Variants in MOCS1 observed in about 807,000 individuals in gnomAD.
The protein encoded by MOCS1 is molybdenum cofactor biosynthesis protein 1.
MOCS1 carries 39 observed loss-of-function variants against 57.6 expected under a neutral mutation model. That is an observed-to-expected ratio of 0.68 (90% CI 0.52 to 0.88). The LOEUF is 0.88. Among genes scored for constraint, MOCS1 ranks in the 40% least tolerant of loss-of-function variants. The pLI, the probability that MOCS1 is intolerant of heterozygous loss-of-function variation, is 0.00. For missense variants in MOCS1, 795 were observed against 831.1 expected (o/e 0.96, Z 0.53); for synonymous variants, 334 against 335.7 (o/e 1.00, Z 0.05).
At position 39,913,305 on chromosome 6, in the gene MOCS1, C is replaced by A. The variant is rs1767449829; in HGVS notation, c.757+12G>T. On this transcript the variant is annotated intron_variant, in intron 6 of 10. Coordinates refer to ENST00000340692, the MANE Select transcript of MOCS1 (RefSeq NM_001358530.2). ...CCTTCTTCCCTCCCTCAACCCATCC[C>A]TGGTCACTGACCATCAAAGGGCATA... is the stretch of plus-strand genomic sequence containing the variant. 6.2e-7 allele frequency: 1 copy of A among 1,610,670 alleles called. No homozygotes were observed. Among genetic ancestry groups the A allele is most frequent in the South Asian group, 1.1e-5 (1 of 91,018 alleles).
At chr6:39,910,737 C>T (rs192291119) in intron 8 of MOCS1, among the ~76,000 whole-genome samples, 50 of 152,298 alleles carry the variant, frequency 3.3e-4, no homozygotes, top group Admixed American at 5.2e-4. Flanking sequence ...CCTGTTATTC[C>T]TCATGCCTCG....
intron 8 of MOCS1, among the ~76,000 whole-genome samples, chr6:39,910,525 T>C (rs1767259959): frequency 6.6e-6 from 1 of 152,172 alleles, no homozygotes; most frequent in South Asian, 2.1e-4. Flanking sequence ...TCAGCTTCTG[T>C]AAGAGGGATG....
At chr6:39,928,507 T>A (rs1768467867) in intron 1 of MOCS1, among the ~76,000 whole-genome samples, 1 of 151,580 alleles carries the variant, frequency 6.6e-6, no homozygotes, top group Non-Finnish European at 1.5e-5. Context: ...ACAGAGAGAG[T>A]CCAAGAAGAT....
intron 10 of MOCS1, among the ~76,000 whole-genome samples, chr6:39,907,641 T>C (rs1004952604): frequency 2.0e-5 from 3 of 152,164 alleles, no homozygotes; most frequent in Non-Finnish European, 4.4e-5. Context: ...CTGAAGCACA[T>C]GAGAAGCACA....
At chr6:39,921,304 T>C (rs917399831) in intron 3 of MOCS1, among the ~76,000 whole-genome samples, 2 of 150,396 alleles carry the variant, frequency 1.3e-5, no homozygotes, top group Non-Finnish European at 3.0e-5. Context: ...GAGGCTGAGG[T>C]GGGAGAATGG....
intron 3 of MOCS1, among the ~76,000 whole-genome samples, chr6:39,923,197 A>G (rs1042058191): frequency 6.6e-6 from 1 of 152,192 alleles, no homozygotes; most frequent in East Asian, 1.9e-4. Context: ...ACTAGCATCC[A>G]TGTGGCGATC....
chr6:39,929,666 T>C (rs1188098114), intron 1 of MOCS1, among the ~76,000 whole-genome samples: 1 of 151,660 alleles, frequency 6.6e-6, no homozygotes, highest in Non-Finnish European at 1.5e-5. Context: ...AGGGGCCGGG[T>C]GTGGTGGTTC....
intron 3 of MOCS1, among the ~76,000 whole-genome samples, chr6:39,917,438 G>A (rs111968460): frequency 0.044 from 6,694 of 152,140 alleles, 318 homozygotes; most frequent in African/African-American, 0.11. Flanking sequence ...TTCAAGAAGA[G>A]ATTTGGGTGG....
intron 1 of MOCS1, 41 bp downstream of exon 1, chr6:39,934,254 C>T (rs368437379): frequency 1.3e-6 from 2 of 1,509,574 alleles, no homozygotes; most frequent in Admixed American, 2.1e-5. Context: ...CGGGGCCACT[C>T]CTGCCCCGGG....
intron 3 of MOCS1, among the ~76,000 whole-genome samples, chr6:39,922,683 G>A (rs1768040270): frequency 6.6e-6 from 1 of 152,226 alleles, no homozygotes; most frequent in Non-Finnish European, 1.5e-5. Flanking sequence ...GGGAGCCAGA[G>A]AGAGCTGAGG....
chr6:39,906,678 TC>T lies in MOCS1; in HGVS notation c.1589del (p.Gly530GlufsTer4). The T allele has an allele frequency of 1.9e-6, 3 of 1,614,132 alleles. No homozygotes were observed. The highest frequency in any genetic ancestry group is 2.5e-6 in the Non-Finnish European group (3 of 1,180,046). On this transcript the variant is annotated frameshift_variant, in exon 11 of 11. Transcript: ENST00000340692. LOFTEE classifies it high-confidence loss of function. Reference sequence around the variant, plus strand: ...CCAGCTGGGCCACCACTAGGGCATCTCCTTTCTTGAGCTGGTTCTGCTGGAC... The same window carrying T: ...CCAGCTGGGCCACCACTAGGGCATCTCTTTCTTGAGCTGGTTCTGCTGGAC... The part of the protein sequence containing the change: ...KLVQQNQLKK[G>X]DALVVAQLAG...
intron 1 of MOCS1, among the ~76,000 whole-genome samples, chr6:39,933,578 A>G (rs1019013559): frequency 2.6e-5 from 4 of 152,178 alleles, no homozygotes; most frequent in Admixed American, 6.5e-5. Flanking sequence ...TTTCCCCCCA[A>G]ATTATTCCCT....
rs748587811 is a variant in MOCS1, at chr6:39,906,235, C to T, written c.*122G>A. ...TGTTAGTAGTAGAGCAGGCTGACTT[C>T]GGGTTTACTGCTCAAGGTAAACAAA... On this transcript the variant is annotated 3_prime_UTR_variant, in exon 11 of 11. Coordinates refer to ENST00000340692, the MANE Select transcript of MOCS1 (RefSeq NM_001358530.2). The T allele has an allele frequency of 5.6e-6, 7 of 1,258,084 alleles. No individual in the cohort carries two copies. The highest frequency in any genetic ancestry group is 2.4e-5 in the South Asian group (2 of 83,250). The allele number at this position is 1,258,084 out of a possible 1,614,324, so 77.9% of individuals were successfully genotyped here. A position where few individuals can be genotyped will look rare whatever the true frequency, so the allele number is the denominator to read the frequency against.
At chr6:39,907,203 C>A (rs1488240516) in intron 10 of MOCS1, 86 bp from the exon 11 acceptor site, 1 of 1,372,966 alleles carries the variant, frequency 7.3e-7, no homozygotes, top group Non-Finnish European at 9.8e-7. Flanking sequence ...CTCTCCCTAT[C>A]CCACCTCAAG....
intron 1 of MOCS1, among the ~76,000 whole-genome samples, chr6:39,933,650 G>C (rs531303277): frequency 9.9e-5 from 15 of 152,170 alleles, no homozygotes; most frequent in Non-Finnish European, 1.8e-4. Flanking sequence ...ACACTCTGAG[G>C]GGTGCTGGCA....
chr6:39,904,495 T>G lies in MOCS1; in HGVS notation c.*1862A>C. 1.1e-5 allele frequency: 5 copies of G among 454,396 alleles called. No individual in the cohort carries two copies. Among genetic ancestry groups the G allele is most frequent in the South Asian group, 7.8e-5 (5 of 64,486 alleles). The allele number at this position is 454,396 out of a possible 1,614,324, so 28.1% of individuals were successfully genotyped here. On this transcript the variant is annotated 3_prime_UTR_variant, in exon 11 of 11. Coordinates refer to ENST00000340692, the MANE Select transcript of MOCS1 (RefSeq NM_001358530.2). ...CTCCTGCCACCTTTAGATAAGTTTC[T>G]CTAGCTAATTTTGTGGCCAATGTAA...
chr6:39,909,789 A>C, intron 9 of MOCS1, 46 bp downstream of exon 9: 1 of 1,608,072 alleles, frequency 6.2e-7, no homozygotes, highest in Non-Finnish European at 8.5e-7. Context: ...TCCCAGGGAC[A>C]AGGCCCACTC....
intron 4 of MOCS1, among the ~76,000 whole-genome samples, chr6:39,914,580 C>A (rs796736391): frequency 6.6e-6 from 1 of 152,182 alleles, no homozygotes; most frequent in South Asian, 2.1e-4. Flanking sequence ...CACTTGATCA[C>A]CTACTGCATC....
chr6:39,934,366 C>A lies in MOCS1; in HGVS notation c.52G>T (p.Ala18Ser), dbSNP rs1183996280. 1.9e-6 allele frequency: 3 copies of A among 1,556,702 alleles called. No individual in the cohort carries two copies. The highest frequency in any genetic ancestry group is 1.9e-5 in the Admixed American group (1 of 52,992). The change falls in exon 1 of 11, where the codon GCC becomes TCC. Residue 18 changes from alanine to serine, a missense_variant. By Grantham distance (99) the Ala-to-Ser change is moderately conservative (BLOSUM62 1). This residue lies in a region of MOCS1 where 416 missense variants were observed against 392.4 expected (regional missense o/e 1.06). Transcript: ENST00000340692. The stretch of plus-strand genomic sequence containing the variant: ...GGAGCCCCTGAGCTGCAGCTCCGGG[C>A]GCTGGACCTCAGAAGCCGCCGCAGC... ...RMLRRLLRSS[A>S]RSCSSGAPVT... is the part of the protein sequence containing the mutation.
Sources: gnomAD v4.1 joint callset for allele counts (sites outside exome capture counted in the v4.1 genomes callset) on GRCh38, gnomAD v4.1.1 for gene constraint, gnomAD v4.1.1 regional missense constraint, MANE v1.5 for transcripts, NCBI Gene and HGNC (gene_info 2026-07-23, HGNC 2026-07-21) for gene names.